RIMS2: variants seen among roughly 807,000 people sequenced by gnomAD.
RIMS2 encodes regulating synaptic membrane exocytosis 2.
A neutral mutation model predicts 174.4 loss-of-function variants in RIMS2; 59 were observed. The observed-to-expected ratio is 0.34, with a 90% CI of 0.27 to 0.42. The LOEUF (loss-of-function observed/expected upper bound fraction) is 0.42, where lower values mean the gene tolerates loss of function less well. RIMS2 is among the 10% of genes least tolerant of loss of function. The pLI, the probability that RIMS2 is intolerant of heterozygous loss-of-function variation, is 1.00. For synonymous variants in RIMS2, 606 were observed against 572.5 expected (o/e 1.06, Z -0.84); for missense variants, 1,620 against 1,666.3 (o/e 0.97, Z 0.48).
At chr8:103,579,205 C>T (rs897732127) in intron 1 of RIMS2, among the ~76,000 whole-genome samples, 10 of 151,232 alleles carry the variant, frequency 6.6e-5, no homozygotes, top group East Asian at 1.9e-4. Context: ...GAGTTCAGGA[C>T]GAGGGCAGCA....
At chr8:103,834,340 T>C (rs1321561056) in intron 3 of RIMS2, among the ~76,000 whole-genome samples, 2 of 149,106 alleles carry the variant, frequency 1.3e-5, no homozygotes, top group Non-Finnish European at 3.0e-5. Context: ...TTCTTTTTTT[T>C]TTTTTTTTTT....
chr8:104,188,244 T>TAGAC (rs2098979345), intron 19 of RIMS2, among the ~76,000 whole-genome samples: 1 of 142,354 alleles, frequency 7.0e-6, no homozygotes, highest in Non-Finnish European at 1.5e-5. Flanking sequence ...GATAGATAGA[T>TAGAC]AGATAGATAG....
At chr8:103,705,428 G>C (rs1035519362) in intron 2 of RIMS2, among the ~76,000 whole-genome samples, 3 of 152,192 alleles carry the variant, frequency 2.0e-5, no homozygotes, top group African/African-American at 7.2e-5. Context: ...GTCACAGTTG[G>C]ATGAAATATT....
In RIMS2 at chr8:103,918,506, G is replaced by A; in HGVS notation, c.2083+19G>A. 1.3e-6 allele frequency: 2 copies of A among 1,556,892 alleles called. No homozygotes were observed. Among genetic ancestry groups the A allele is most frequent in the Non-Finnish European group, 1.8e-6 (2 of 1,129,420 alleles). On this transcript the variant is annotated intron_variant, in intron 9 of 23. Transcript: ENST00000504942. ...GAGTCCAGTAAGTTTTATTTATGCT[G>A]GAAGAAAACGTTATTTATAATTGCA...
chr8:103,745,423 T>G (rs948422335), intron 2 of RIMS2, among the ~76,000 whole-genome samples: 1 of 152,232 alleles, frequency 6.6e-6, no homozygotes, highest in Admixed American at 6.5e-5. Flanking sequence ...ATAATGCTGC[T>G]GTGCACATTC....
chr8:104,114,541 T>G (rs939495901), intron 19 of RIMS2, among the ~76,000 whole-genome samples: 1 of 151,988 alleles, frequency 6.6e-6, no homozygotes, highest in Non-Finnish European at 1.5e-5. Context: ...ATATAAATTA[T>G]ACTATAAAGC....
intron 1 of RIMS2, among the ~76,000 whole-genome samples, chr8:103,673,189 G>A (rs1564238946): frequency 1.3e-5 from 2 of 152,206 alleles, no homozygotes; most frequent in Non-Finnish European, 2.9e-5. Context: ...TGCCCCTGTA[G>A]CTGCTCTCAT....
chr8:103,769,463 A>T (rs1269489451), intron 3 of RIMS2, among the ~76,000 whole-genome samples: 1 of 152,122 alleles, frequency 6.6e-6, no homozygotes, highest in African/African-American at 2.4e-5. Context: ...AGATGGGATT[A>T]CAGGCACCCA....
chr8:103,510,209 G>A (rs1239412201), intron 1 of RIMS2, among the ~76,000 whole-genome samples: 1 of 152,158 alleles, frequency 6.6e-6, no homozygotes, highest in Non-Finnish European at 1.5e-5. Context: ...CTGGGTAGCA[G>A]AATAACCACA....
At chr8:104,173,271 A>G (rs991731273) in intron 19 of RIMS2, among the ~76,000 whole-genome samples, 7 of 152,262 alleles carry the variant, frequency 4.6e-5, no homozygotes, top group Non-Finnish European at 8.8e-5. Context: ...TTAATTCAGA[A>G]TGCTATTGGA....
At chr8:104,223,678 C>T in intron 19 of RIMS2, 3 of 1,590,852 alleles carry the variant, frequency 1.9e-6, no homozygotes, top group Non-Finnish European at 2.6e-6. Flanking sequence ...TGGGGGGTGC[C>T]AGCGCTGCGG....
chr8:103,755,019 A>G (rs1195151422), intron 2 of RIMS2, among the ~76,000 whole-genome samples: 1 of 152,176 alleles, frequency 6.6e-6, no homozygotes, highest in Non-Finnish European at 1.5e-5. Context: ...GTTCCTTCAT[A>G]GTGTCCATGG....
At chr8:103,637,334 G>A (rs1271445250) in intron 1 of RIMS2, among the ~76,000 whole-genome samples, 2 of 152,036 alleles carry the variant, frequency 1.3e-5, no homozygotes, top group African/African-American at 2.4e-5. Flanking sequence ...TTGCATCTGT[G>A]TTCATTAAGG....
chr8:103,819,308 A>C, intron 3 of RIMS2: 1 of 1,401,998 alleles, frequency 7.1e-7, no homozygotes, highest in Non-Finnish European at 9.2e-7. Context: ...ACGGGTACTG[A>C]ATCTTCTACG....
chr8:104,247,943 G>T (rs138192345), intron 20 of RIMS2, among the ~76,000 whole-genome samples: 1 of 152,238 alleles, frequency 6.6e-6, no homozygotes, highest in African/African-American at 2.4e-5. Flanking sequence ...TCAAAGGATC[G>T]AGCTCCAGTG....
At chr8:103,614,937 A>G (rs935874149) in intron 1 of RIMS2, among the ~76,000 whole-genome samples, 3 of 152,164 alleles carry the variant, frequency 2.0e-5, no homozygotes, top group Non-Finnish European at 4.4e-5. Flanking sequence ...TAAACTTTTG[A>G]CTTTACAGTT....
intron 3 of RIMS2, among the ~76,000 whole-genome samples, chr8:103,844,608 T>C (rs1198761361): frequency 1.3e-5 from 2 of 152,226 alleles, no homozygotes; most frequent in Non-Finnish European, 2.9e-5. Context: ...AGCCATCATA[T>C]AGAAATAAAG....
chr8:104,153,801 C>T (rs2098704764), intron 19 of RIMS2, among the ~76,000 whole-genome samples: 1 of 151,528 alleles, frequency 6.6e-6, no homozygotes, highest in Non-Finnish European at 1.5e-5. Flanking sequence ...AAAGGAAAAA[C>T]AAAAAAAGGA....
chr8:104,255,987 A>T (rs2099366906), downstream of RIMS2: 6 of 152,222 alleles, frequency 3.9e-5, no homozygotes, highest in Admixed American at 3.9e-4. Flanking sequence ...TCTATCATTA[A>T]ATCAACACTT....
Sources: gnomAD v4.1 joint callset for allele counts (sites outside exome capture counted in the v4.1 genomes callset) on GRCh38, gnomAD v4.1.1 for gene constraint, MANE v1.5 for transcripts, NCBI Gene and HGNC (gene_info 2026-07-23, HGNC 2026-07-21) for gene names.